DUSP16: variants seen among roughly 807,000 people sequenced by gnomAD.
DUSP16 encodes the protein dual specificity phosphatase 16, also known as dual specificity protein phosphatase 16.
In DUSP16, 21 loss-of-function variants were observed where a neutral mutation model predicts 58.3. That is an observed-to-expected ratio of 0.36 (90% confidence interval 0.26 to 0.52). The LOEUF (loss-of-function observed/expected upper bound fraction) is 0.52, where lower values mean the gene tolerates loss of function less well. Ranked by LOEUF, DUSP16 falls within the 20% of genes least tolerant of loss-of-function variation. The pLI, the probability that DUSP16 is intolerant of heterozygous loss-of-function variation, is 0.94. For synonymous variants in DUSP16, 320 were observed against 323.8 expected, an observed-to-expected ratio of 0.99 and a Z score of 0.12; for missense variants, 726 against 819.0, an observed-to-expected ratio of 0.89 and a Z score of 1.39.
intron 1 of DUSP16, among the ~76,000 whole-genome samples, chr12:12,541,141 T>C (rs891245096): frequency 3.3e-5 from 5 of 151,792 alleles, no homozygotes; most frequent in Non-Finnish European, 5.9e-5. Flanking sequence ...CTATTTTTAG[T>C]AGAGCTGGAG....
At chr12:12,547,463 A>C (rs1278597503) in intron 1 of DUSP16, among the ~76,000 whole-genome samples, 42 of 150,576 alleles carry the variant, frequency 2.8e-4, no homozygotes, top group African/African-American at 8.5e-4. Context: ...AAAGCAAAAA[A>C]AAAAAAAAGA....
chr12:12,483,982 A>G (rs572382926), intron 5 of DUSP16, among the ~76,000 whole-genome samples: 6 of 151,840 alleles, frequency 4.0e-5, no homozygotes, highest in Non-Finnish European at 8.8e-5. Flanking sequence ...AAATAAAAAT[A>G]AAAAAATTTA....
chr12:12,549,267 A>G (rs1394636621), intron 1 of DUSP16, among the ~76,000 whole-genome samples: 1 of 152,106 alleles, frequency 6.6e-6, no homozygotes, highest in Non-Finnish European at 1.5e-5. Flanking sequence ...GAATACTGGT[A>G]AGTTGCTAAA....
chr12:12,484,782 C>T (rs981645692), intron 5 of DUSP16, among the ~76,000 whole-genome samples: 6 of 151,744 alleles, frequency 4.0e-5, no homozygotes, highest in Admixed American at 6.6e-5. Context: ...CCACCATGCC[C>T]GACTAATTTT....
At chr12:12,522,000 G>A (rs142044134) in intron 1 of DUSP16, among the ~76,000 whole-genome samples, 11 of 152,316 alleles carry the variant, frequency 7.2e-5, no homozygotes, top group East Asian at 5.8e-4. Context: ...GTACCAGGGC[G>A]CAAACAGCAG....
At chr12:12,524,701 C>A (rs981762401) in intron 1 of DUSP16, among the ~76,000 whole-genome samples, 12 of 152,138 alleles carry the variant, frequency 7.9e-5, no homozygotes, top group African/African-American at 2.9e-4. Flanking sequence ...GTCCATAGAA[C>A]AAAATCCAGA....
At chr12:12,502,739 C>T (rs1047383341) in intron 3 of DUSP16, among the ~76,000 whole-genome samples, 7 of 151,894 alleles carry the variant, frequency 4.6e-5, no homozygotes, top group Admixed American at 2.6e-4. Context: ...TTAGTAGAGA[C>T]GGGGTTTCTC....
At chr12:12,554,245 A>G (rs1028341238) in intron 1 of DUSP16, among the ~76,000 whole-genome samples, 8 of 150,604 alleles carry the variant, frequency 5.3e-5, no homozygotes, top group Admixed American at 1.3e-4. Flanking sequence ...TTGATTAGCT[A>G]ATTAGCTCAA....
At chr12:12,520,823 A>C (rs766121752) in intron 2 of DUSP16, 48 bp downstream of exon 2, 14 of 1,597,010 alleles carry the variant, frequency 8.8e-6, no homozygotes, top group Non-Finnish European at 1.2e-5. Context: ...ATTATTCCTC[A>C]TTCAGTGTGT....
chr12:12,501,566 G>A (rs917372762), intron 3 of DUSP16, among the ~76,000 whole-genome samples: 12 of 152,208 alleles, frequency 7.9e-5, no homozygotes, highest in Non-Finnish European at 1.6e-4. Flanking sequence ...ATTCCTTGCT[G>A]TCCAAACCCA....
intron 3 of DUSP16, among the ~76,000 whole-genome samples, chr12:12,501,846 C>T (rs1427202551): frequency 1.3e-5 from 2 of 151,962 alleles, no homozygotes; most frequent in Non-Finnish European, 2.9e-5. Flanking sequence ...AAAAATTAGC[C>T]AGGCATGGTG....
intron 3 of DUSP16, among the ~76,000 whole-genome samples, chr12:12,509,946 C>A (rs1185771668): frequency 6.6e-6 from 1 of 152,066 alleles, no homozygotes; most frequent in Non-Finnish European, 1.5e-5. Flanking sequence ...AAGAAAAAAA[C>A]ATTTTTTCTT....
intron 3 of DUSP16, among the ~76,000 whole-genome samples, chr12:12,507,814 G>A (rs1944019702): frequency 6.6e-6 from 1 of 152,202 alleles, no homozygotes; most frequent in South Asian, 2.1e-4. Flanking sequence ...TCTCCATGTT[G>A]GTCAGGCTGG....
intron 1 of DUSP16, among the ~76,000 whole-genome samples, chr12:12,536,387 T>C (rs1944462780): frequency 6.6e-6 from 1 of 152,254 alleles, no homozygotes; most frequent in Non-Finnish European, 1.5e-5. Context: ...ATGAGCACTA[T>C]GTACAGGCTC....
chr12:12,475,726 C>T lies in DUSP16; in HGVS notation c.*1107G>A, dbSNP rs565513758. 1 of 152,212 alleles carries T rather than the reference C, an allele frequency of 6.6e-6. No individual in the cohort carries two copies. The highest frequency in any genetic ancestry group is 2.4e-5 in the African/African-American group (1 of 41,452). The allele number at this position is 152,212 out of a possible 1,614,324, so 9.4% of individuals were successfully genotyped here. A position where few individuals can be genotyped will look rare whatever the true frequency, so the allele number is the denominator to read the frequency against. ...CTCAGCAATTTGTACCTTTCTTAAT[C>T]TTCCCATAATTTACCTCCCTAGGAA... On this transcript the variant is annotated 3_prime_UTR_variant, in exon 7 of 7. Transcript: ENST00000298573.
rs774794107 is a variant in DUSP16 at position 12,477,218 on chromosome 12, C to T, written c.1613G>A (p.Gly538Asp). ...LTKSAGLGLK[G>D]WHSDILAPQT... is the part of the protein sequence containing the mutation. The stretch of plus-strand genomic sequence containing the variant: ...GGGGGCCAAGATATCCGAGTGCCAG[C>T]CCTTAAGGCCCAGGCCAGCAGACTT... Residue 538 changes from glycine (G) to aspartate (D), a missense_variant, in exon 7 of 7, where the codon GGC becomes GAC. Transcript: ENST00000298573. This position sits in a 1 kb window ranked among gnomAD's most constrained non-coding sequence, Gnocchi z 4.1. The T allele has an allele frequency of 3.7e-6, 6 of 1,614,206 alleles. No homozygotes were observed. Among genetic ancestry groups the T allele is most frequent in the Non-Finnish European group, 5.1e-6 (6 of 1,180,044 alleles).
At chr12:12,489,079 TCAAA>T (rs1440216976) in intron 4 of DUSP16, among the ~76,000 whole-genome samples, 3 of 152,252 alleles carry the variant, frequency 2.0e-5, no homozygotes, top group Admixed American at 1.3e-4. Flanking sequence ...AAACTCCATC[TCAAA>T]CAAACACACA....
At chr12:12,558,690 A>T (rs1944847903) in intron 1 of DUSP16, among the ~76,000 whole-genome samples, 1 of 152,144 alleles carries the variant, frequency 6.6e-6, no homozygotes, top group Non-Finnish European at 1.5e-5. Flanking sequence ...TACATTTTTT[A>T]ATGTAATAAA....
At chr12:12,508,319 GAAGAA>G (rs972509317) in intron 3 of DUSP16, among the ~76,000 whole-genome samples, 12 of 150,824 alleles carry the variant, frequency 8.0e-5, no homozygotes, top group African/African-American at 2.0e-4. Context: ...GAAACTAGTT[GAAGAA>G]AAGAAAAGAA....
Sources: gnomAD v4.1 joint callset for allele counts (sites outside exome capture counted in the v4.1 genomes callset) on GRCh38, gnomAD v4.1.1 for gene constraint, Gnocchi (gnomAD v3.1) non-coding constraint, MANE v1.5 for transcripts, NCBI Gene and HGNC (gene_info 2026-07-23, HGNC 2026-07-21) for gene names.